The following RSPH10B2 variants were observed in gnomAD, a reference collection of about 807,000 sequenced individuals.
The protein encoded by RSPH10B2 is radial spoke head 10 homolog B2 (Chlamydomonas).
Under a neutral mutation model 49.0 loss-of-function variants are expected in RSPH10B2, and 9 were observed. That is an observed-to-expected ratio of 0.18 (90% CI 0.11 to 0.32). The LOEUF (loss-of-function observed/expected upper bound fraction) is 0.32, where lower values mean the gene tolerates loss of function less well. Ranked by LOEUF, RSPH10B2 falls within the 10% of genes least tolerant of loss-of-function variation. RSPH10B2 has a pLI of 1.00. For missense variants in RSPH10B2, 95 were observed against 589.9 expected (o/e 0.16, Z 8.69); for synonymous variants, 35 against 210.2 (o/e 0.17, Z 7.21).
At chr7:6,764,276 G>T (rs1168447563) in intron 4 of RSPH10B2, among the ~76,000 whole-genome samples, 175 bp downstream of exon 6, 3 of 144,798 alleles carry the variant, frequency 2.1e-5, no homozygotes, top group African/African-American at 7.6e-5. Flanking sequence ...GGGAGAGAAG[G>T]GGGTAGGGGC....
rs1451166670 is a variant in RSPH10B2 at position 6,761,425 on chromosome 7, G to C, written c.399+1131G>C. ...CAGAGGAGCGGGGAGAGGGAGGGAG[G>C]GGCTGACCGTCACTGGCGGGGCAAG... is the stretch of plus-strand genomic sequence containing the variant. On this transcript the variant is annotated intron_variant, in intron 3 of 18. Coordinates refer to ENST00000297186, the Ensembl canonical transcript of RSPH10B2. The C allele has an allele frequency of 1.5e-5, 2 of 129,966 alleles. 1 individual carries two copies. The highest frequency in any genetic ancestry group is 1.6e-4 in the Admixed American group (2 of 12,504). The allele number at this position is 129,966 out of a possible 1,614,324, so 8.1% of individuals were successfully genotyped here.
chr7:6,797,507 T>C (rs1258277836), intron 18 of RSPH10B2, among the ~76,000 whole-genome samples: 1 of 152,182 alleles, frequency 6.6e-6, no homozygotes, highest in African/African-American at 2.4e-5. Flanking sequence ...GGGCTGGAGA[T>C]TGAGTTCAAT....
intron 17 of RSPH10B2, among the ~76,000 whole-genome samples, chr7:6,796,240 G>A (rs1782553026): frequency 8.4e-6 from 1 of 119,608 alleles, no homozygotes; most frequent in African/African-American, 3.0e-5. Context: ...CTTGAACCCA[G>A]GAGGTGGAGG....
At chr7:6,792,467 G>A (rs1323648253) in intron 17 of RSPH10B2, among the ~76,000 whole-genome samples, 3 of 107,750 alleles carry the variant, frequency 2.8e-5, no homozygotes, top group Non-Finnish European at 5.6e-5. Context: ...TTTTAAAGGT[G>A]CTCAAATTAA....
intron 13 of RSPH10B2, among the ~76,000 whole-genome samples, chr7:6,783,422 ATGT>A (rs1456330961): frequency 7.3e-6 from 1 of 136,394 alleles, no homozygotes; most frequent in Non-Finnish European, 1.6e-5. Flanking sequence ...AAATTTCATA[ATGT>A]TGTATACATA....
At chr7:6,768,179 C>T (rs1270863397) in intron 6 of RSPH10B2, among the ~76,000 whole-genome samples, 3 of 148,820 alleles carry the variant, frequency 2.0e-5, no homozygotes, top group African/African-American at 7.4e-5. Flanking sequence ...GAGACCCTTT[C>T]TCAAAAAATA....
chr7:6,781,544 G>T, intron 13 of RSPH10B2, 68 bp downstream of exon 15: 1 of 1,231,690 alleles, frequency 8.1e-7, no homozygotes, highest in Non-Finnish European at 1.1e-6. Flanking sequence ...AGAAAGGCAG[G>T]ATATTCCAGC....
At chr7:6,761,571 T>C (rs1247331544) in intron 3 of RSPH10B2, 2 of 151,984 alleles carry the variant, frequency 1.3e-5, no homozygotes, top group African/African-American at 2.4e-5. Context: ...GTTTCTGGTC[T>C]TTATTTTATT....
intron 13 of RSPH10B2, among the ~76,000 whole-genome samples, chr7:6,784,637 C>T (rs1476078447): frequency 8.5e-6 from 1 of 117,794 alleles, no homozygotes; most frequent in Non-Finnish European, 1.7e-5. Flanking sequence ...ACGATCTCAC[C>T]TCACTGCAAC....
At chr7:6,764,795 C>G (rs1435655913) in intron 4 of RSPH10B2, among the ~76,000 whole-genome samples, 1 of 146,430 alleles carries the variant, frequency 6.8e-6, no homozygotes, top group Admixed American at 6.9e-5. Context: ...GACTTCTAGA[C>G]AGCAGCATCT....
chr7:6,776,873 T>TCACACACACA (rs746541740), intron 10 of RSPH10B2, among the ~76,000 whole-genome samples: 1,162 of 111,032 alleles, frequency 0.01, 9 homozygotes, highest in Non-Finnish European at 0.014. Flanking sequence ...CGAGACTCCA[T>TCACACACACA]CACACACACA....
At chr7:6,793,862 A>G (rs1782449555) in intron 17 of RSPH10B2, among the ~76,000 whole-genome samples, 1 of 150,580 alleles carries the variant, frequency 6.6e-6, no homozygotes, top group African/African-American at 2.4e-5. Context: ...AAAGGAAAAA[A>G]GGAAAATCTC....
rs1347890509 is a variant in RSPH10B2, at chr7:6,777,066, T to G, written c.1414+520T>G. Among the ~76,000 whole-genome samples, 127 of 42,614 alleles carry G rather than the reference T, an allele frequency of 3.0e-3. 1 individual carries two copies. The highest frequency in any genetic ancestry group is 0.015 in the African/African-American group (125 of 8,290). 28.0% of individuals were successfully genotyped at this position (42,614 alleles called of 152,430 possible). On this transcript the variant is annotated intron_variant, in intron 10 of 18. Transcript: ENST00000297186. ...GTTTTTTTGTTTTGTTTTGTTTTGT[T>G]TTTTTTGAGACAGAGTTTCACTCTT...
At chr7:6,784,532 C>G (rs1282681885) in intron 13 of RSPH10B2, among the ~76,000 whole-genome samples, 6 of 48,152 alleles carry the variant, frequency 1.2e-4, no homozygotes, top group Non-Finnish European at 2.0e-4. Flanking sequence ...ACATTGAAAC[C>G]TGAACATTTG....
intron 7 of RSPH10B2, among the ~76,000 whole-genome samples, chr7:6,770,607 T>C (rs1781600229): frequency 8.2e-6 from 1 of 122,362 alleles, no homozygotes; most frequent in Non-Finnish European, 1.8e-5. Context: ...AGGCTCCACC[T>C]CAAAAAAAAA....
At chr7:6,794,275 G>C (rs1583536598) in intron 17 of RSPH10B2, 1 of 152,732 alleles carries the variant, frequency 6.5e-6, no homozygotes, top group African/African-American at 2.4e-5. Context: ...GGCCACTGAA[G>C]GCCCCTTTTC....
At chr7:6,767,931 G>T (rs1327363148) in intron 6 of RSPH10B2, among the ~76,000 whole-genome samples, 2 of 132,530 alleles carry the variant, frequency 1.5e-5, no homozygotes, top group Non-Finnish European at 3.1e-5. Flanking sequence ...GGGCTCAGTG[G>T]CTCACACGTG....
chr7:6,798,541 T>TAGAG lies in RSPH10B2; in HGVS notation c.*2_*5dup. ...CATCACCAGCAAGAAGAAGAAAAAG[T>TAGAG]AGAGAGACACGAGGACACACACACA... On this transcript the variant is annotated frameshift_variant and stop_retained_variant, in exon 19 of 19. Transcript: ENST00000297186. LOFTEE classifies it high-confidence loss of function. 1 of 732,244 alleles carries TAGAG rather than the reference T, an allele frequency of 1.4e-6. No individual in the cohort carries two copies. The highest frequency in any genetic ancestry group is 1.8e-6 in the Non-Finnish European group (1 of 558,448). The allele number at this position is 732,244 out of a possible 1,614,324, so 45.4% of individuals were successfully genotyped here.
intron 3 of RSPH10B2, chr7:6,761,344 CG>C (rs1186220090): frequency 7.7e-6 from 1 of 129,840 alleles, no homozygotes; most frequent in Non-Finnish European, 1.6e-5. Flanking sequence ...ATGATGGAAA[CG>C]GAGTCAAGTT....
Sources: allele counts gnomAD v4.1 joint callset (sites outside exome capture counted in the v4.1 genomes callset), GRCh38; gene constraint gnomAD v4.1.1; transcripts MANE v1.5; gene names NCBI Gene and HGNC (gene_info 2026-07-23, HGNC 2026-07-21).